Variants in PDE10A observed in about 807,000 individuals in gnomAD.
PDE10A encodes cAMP and cAMP-inhibited cGMP 3',5'-cyclic phosphodiesterase 10A.
A neutral mutation model predicts 97.7 loss-of-function variants in PDE10A; 39 were observed. The observed-to-expected ratio is 0.40, with a 90% CI of 0.31 to 0.52. The LOEUF is 0.52. Among genes scored for constraint, PDE10A ranks in the 20% least tolerant of loss-of-function variants. The pLI is 0.56. For missense variants in PDE10A, 731 were observed against 1,047.8 expected, an observed-to-expected ratio of 0.70 and a Z score of 4.17; for synonymous variants, 371 against 376.8, an observed-to-expected ratio of 0.98 and a Z score of 0.18.
intron 1 of PDE10A, among the ~76,000 whole-genome samples, chr6:165,544,975 A>G (rs1783666933): frequency 6.6e-6 from 1 of 152,088 alleles, no homozygotes; most frequent in African/African-American, 2.4e-5. Context: ...AATTGGCTCA[A>G]TAAAGTAAGT....
At chr6:165,472,076 C>T (rs1283288917) in intron 3 of PDE10A, among the ~76,000 whole-genome samples, 1 of 151,968 alleles carries the variant, frequency 6.6e-6, no homozygotes, top group Non-Finnish European at 1.5e-5. Flanking sequence ...TAGAAATTTT[C>T]TCCTCTTTAA....
chr6:165,680,537 G>A (rs1272230443), intron 1 of PDE10A, among the ~76,000 whole-genome samples: 1 of 152,178 alleles, frequency 6.6e-6, no homozygotes, highest in Admixed American at 6.5e-5. Context: ...CAATTTTTAA[G>A]TAAAGATAGA....
chr6:165,978,210 G>T (rs1324402397), intron 1 of PDE10A, among the ~76,000 whole-genome samples: 1 of 152,138 alleles, frequency 6.6e-6, no homozygotes, highest in African/African-American at 2.4e-5. Flanking sequence ...GTTTAGCTCA[G>T]AAAGAGCCCT....
Position 165,691,075 on chromosome 6 carries a change from TTCTCTCTCTC to T in PDE10A, c.-614-147517_-614-147508del, listed in dbSNP as rs376093908. ...CCTTACAGTAATACTCTCTCTCTCT[TTCTCTCTCTC>T]TCTCTCTCTCTCTTTCTCTCTCCCC... On this transcript the variant is annotated intron_variant, in intron 1 of 19. Coordinates refer to the PDE10A transcript ENST00000366882. Among the ~76,000 whole-genome samples the T allele has an allele frequency of 1.8e-3, 93 of 50,418 alleles. 3 individuals are homozygous for T. Among genetic ancestry groups the T allele is most frequent in the African/African-American group, 0.01 (90 of 8,678 alleles). The allele number at this position is 50,418 out of a possible 152,430, so 33.1% of individuals were successfully genotyped here.
At chr6:165,424,511 G>T (rs1252029010) in intron 10 of PDE10A, among the ~76,000 whole-genome samples, 2 of 152,162 alleles carry the variant, frequency 1.3e-5, no homozygotes, top group African/African-American at 4.8e-5. Flanking sequence ...CTCTAATGGG[G>T]TCTTAGCTGA....
chr6:165,516,750 A>C (rs1216382987), intron 2 of PDE10A, among the ~76,000 whole-genome samples: 1 of 152,212 alleles, frequency 6.6e-6, no homozygotes, highest in East Asian at 1.9e-4. Context: ...AATTTTTAAC[A>C]AATAATCATA....
chr6:165,551,089 C>A (rs986260297), intron 1 of PDE10A, among the ~76,000 whole-genome samples: 4 of 152,158 alleles, frequency 2.6e-5, no homozygotes, highest in Admixed American at 6.5e-5. Context: ...TACCACCACA[C>A]TGCTCATCAG....
chr6:165,384,714 T>G (rs1785177574), intron 17 of PDE10A, among the ~76,000 whole-genome samples: 2 of 151,586 alleles, frequency 1.3e-5, no homozygotes, highest in Non-Finnish European at 1.5e-5. Context: ...TCTATTGTAT[T>G]ATTCTCCTTG....
chr6:165,834,899 G>A (rs1780027066), intron 1 of PDE10A, among the ~76,000 whole-genome samples: 1 of 152,252 alleles, frequency 6.6e-6, no homozygotes, highest in Non-Finnish European at 1.5e-5. Flanking sequence ...AGTGAGAGGA[G>A]TTAGCTTCCT....
At chr6:165,390,836 C>T (rs888327681) in intron 16 of PDE10A, among the ~76,000 whole-genome samples, 3 of 152,160 alleles carry the variant, frequency 2.0e-5, no homozygotes, top group Admixed American at 6.5e-5. Flanking sequence ...AGGGAAATCT[C>T]GCCAGTAACC....
In PDE10A at chr6:165,388,227, C is replaced by T; in HGVS notation, c.2610+71G>A. ...AGGAAGCCATAATGATCTTCCTTTTCCACCTATGAAGTATCCCTATCTCCC... is the reference window on the plus strand; with the variant it reads ...AGGAAGCCATAATGATCTTCCTTTTTCACCTATGAAGTATCCCTATCTCCC... On this transcript the variant is annotated intron_variant, in intron 17 of 21. Transcript: ENST00000539869. The surrounding 1 kb of genome is among the most constrained non-coding windows in gnomAD (Gnocchi z 4.0). The T allele has an allele frequency of 1.4e-6, 2 of 1,394,066 alleles. No individual in the cohort carries two copies. Among genetic ancestry groups the T allele is most frequent in the Non-Finnish European group, 2.0e-6 (2 of 997,696 alleles). 86.4% of individuals were successfully genotyped at this position (1,394,066 alleles called of 1,614,324 possible).
chr6:165,334,456 C>T (rs1276054178), intron 21 of PDE10A, among the ~76,000 whole-genome samples: 11 of 152,044 alleles, frequency 7.2e-5, no homozygotes, highest in East Asian at 5.8e-4. Flanking sequence ...GCCGGGCACA[C>T]GCCTCCATAG....
intron 18 of PDE10A, among the ~76,000 whole-genome samples, chr6:165,368,650 A>AT (rs1330290944): frequency 6.6e-6 from 1 of 152,184 alleles, no homozygotes; most frequent in Non-Finnish European, 1.5e-5. Flanking sequence ...ATAAATGCAA[A>AT]TAGACTAAAC....
At chr6:165,740,183 C>T (rs1290948479) in intron 1 of PDE10A, among the ~76,000 whole-genome samples, 1 of 152,102 alleles carries the variant, frequency 6.6e-6, no homozygotes, top group Non-Finnish European at 1.5e-5. Context: ...TAGAAGGAGT[C>T]ACAGTAGCTG....
chr6:165,883,512 C>G (rs1781543578), intron 1 of PDE10A, among the ~76,000 whole-genome samples: 1 of 151,148 alleles, frequency 6.6e-6, no homozygotes, highest in African/African-American at 2.4e-5. Flanking sequence ...TGCACTCCAG[C>G]CTTGACGACA....
rs73788373 is a variant in PDE10A at position 165,413,893 on chromosome 6, G to C, written c.1890-206C>G. Reference sequence around the variant, plus strand: ...AACCTTTCCAAAAATATTCTAATCTGTTGGTTCTTTTGTCTCCAAGTGAGT... The same window carrying C: ...AACCTTTCCAAAAATATTCTAATCTCTTGGTTCTTTTGTCTCCAAGTGAGT... On this transcript the variant is annotated intron_variant, in intron 12 of 21. Coordinates refer to ENST00000539869, the MANE Select transcript of PDE10A (RefSeq NM_001385079.1). 3.8e-3 allele frequency among the ~76,000 whole-genome samples: 581 copies of C among 152,116 alleles called. 3 individuals are homozygous for C. Among genetic ancestry groups the C allele is most frequent in the African/African-American group, 0.014 (565 of 41,484 alleles).
chr6:165,418,035 G>A lies in PDE10A; in HGVS notation c.1796+600C>T, dbSNP rs747502217. The stretch of plus-strand genomic sequence containing the variant: ...GCTCCTTGTGTAGGTTTCCAGGTGC[G>A]ATATGAGCAAGCCCCCATGCCTCCA... On this transcript the variant is annotated intron_variant, in intron 11 of 21. Transcript: ENST00000539869. The surrounding 1 kb of genome is among the most constrained non-coding windows in gnomAD (Gnocchi z 4.8). 2.0e-5 allele frequency among the ~76,000 whole-genome samples: 3 copies of A among 152,180 alleles called. No individual in the cohort carries two copies. The highest frequency in any genetic ancestry group is 3.9e-4 in the East Asian group (2 of 5,164).
rs772425871 is a variant in PDE10A, at chr6:165,543,526, G to C, written c.908C>G (p.Pro303Arg). 1 of 1,610,566 alleles carries C rather than the reference G, an allele frequency of 6.2e-7. No individual in the cohort carries two copies. Among genetic ancestry groups the C allele is most frequent in the Admixed American group, 1.7e-5 (1 of 59,672 alleles). ...AGATACAAATTCATCTAATACCTGG[G>C]GGTGAAGAGAAAGATATGCCTTCAC... ...EKVKAYLSLH[P>R]QVLDEFVSES... The change falls in exon 2 of 22, where the codon CCC becomes CGC. Residue 303 changes from proline to arginine, a missense_variant. Transcript: ENST00000539869.
chr6:165,667,552 T>C (rs543892323), upstream of PDE10A, among the ~76,000 whole-genome samples: 2 of 152,124 alleles, frequency 1.3e-5, no homozygotes, highest in Non-Finnish European at 2.9e-5. Context: ...TTAATTAGAA[T>C]ATTTTTGATG....
Sources: gnomAD v4.1 joint callset for allele counts (sites outside exome capture counted in the v4.1 genomes callset) on GRCh38, gnomAD v4.1.1 for gene constraint, Gnocchi (gnomAD v3.1) non-coding constraint, MANE v1.5 for transcripts, NCBI Gene and HGNC (gene_info 2026-07-23, HGNC 2026-07-21) for gene names.